Variants in ITGA9 observed in about 807,000 individuals in gnomAD.
ITGA9 encodes integrin alpha-9.
A neutral mutation model predicts 127.8 loss-of-function variants in ITGA9; 56 were observed. That is an observed-to-expected ratio of 0.44 (90% CI 0.35 to 0.55). ITGA9 has a LOEUF of 0.55. ITGA9 is among the 20% of genes least tolerant of loss of function. The pLI is 0.00. For missense variants in ITGA9, 1,196 were observed against 1,347.1 expected, an observed-to-expected ratio of 0.89 and a Z score of 1.76; for synonymous variants, 508 against 514.5, an observed-to-expected ratio of 0.99 and a Z score of 0.17.
In ITGA9 at chr3:37,759,912, A is replaced by C. The variant is rs187429274; in HGVS notation, c.2541+9343A>C. Among the ~76,000 whole-genome samples, 170 of 151,374 alleles carry C rather than the reference A, an allele frequency of 1.1e-3. 1 individual carries two copies. The highest frequency in any genetic ancestry group is 4.4e-3 in the Admixed American group (67 of 15,214). Reference sequence around the variant, plus strand: ...GAGCAAGACTCCATCTCAAAAAAAAAACAACAAATAAATAAAAGAAAGTTA... The same window carrying C: ...GAGCAAGACTCCATCTCAAAAAAAACACAACAAATAAATAAAAGAAAGTTA... On this transcript the variant is annotated intron_variant, in intron 23 of 27. Transcript: ENST00000264741.
intron 18 of ITGA9, among the ~76,000 whole-genome samples, chr3:37,703,869 T>G (rs1218076652): frequency 2.0e-5 from 3 of 152,148 alleles, no homozygotes; most frequent in Non-Finnish European, 4.4e-5. Context: ...AACCATGGCT[T>G]AGCAAGCTTA....
chr3:37,573,481 C>T (rs1049986136), intron 15 of ITGA9, among the ~76,000 whole-genome samples: 4 of 152,158 alleles, frequency 2.6e-5, no homozygotes, highest in Admixed American at 6.5e-5. Flanking sequence ...GGTGATTCAA[C>T]CACAGGAGCT....
At chr3:37,753,549 C>T (rs905505634) in intron 23 of ITGA9, 1 of 152,198 alleles carries the variant, frequency 6.6e-6, no homozygotes, top group Admixed American at 6.5e-5. Context: ...GTGCTGGGAG[C>T]TACACCCGGT....
At chr3:37,530,336 G>A (rs525731) in intron 13 of ITGA9, among the ~76,000 whole-genome samples, 88,986 of 152,028 alleles carry the variant, frequency 0.59, 26,488 homozygotes, top group East Asian at 0.82. Flanking sequence ...AAGCAGGGAG[G>A]GCTAGGAGAC....
intron 1 of ITGA9, among the ~76,000 whole-genome samples, chr3:37,464,850 C>T (rs895088894): frequency 6.6e-6 from 1 of 152,208 alleles, no homozygotes; most frequent in African/African-American, 2.4e-5. Context: ...TGAGTCCCCT[C>T]CCTCTGGAAA....
intron 23 of ITGA9, among the ~76,000 whole-genome samples, chr3:37,766,890 T>C (rs1196468942): frequency 6.6e-6 from 1 of 152,258 alleles, no homozygotes; most frequent in East Asian, 1.9e-4. Context: ...TTTGTGTCAC[T>C]GCCTCTCTCA....
chr3:37,728,436 G>T (rs767904411), intron 18 of ITGA9, among the ~76,000 whole-genome samples: 2 of 152,124 alleles, frequency 1.3e-5, no homozygotes, highest in Non-Finnish European at 2.9e-5. Flanking sequence ...TTACCTTGTG[G>T]GTATGTCTGT....
intron 19 of ITGA9, among the ~76,000 whole-genome samples, chr3:37,733,724 C>T (rs1696325497): frequency 6.6e-6 from 1 of 152,018 alleles, no homozygotes; most frequent in South Asian, 2.1e-4. Flanking sequence ...CCATTGAATG[C>T]ACCTCGATCT....
chr3:37,640,015 T>A (rs529996154), intron 16 of ITGA9, among the ~76,000 whole-genome samples: 1 of 152,158 alleles, frequency 6.6e-6, no homozygotes, highest in South Asian at 2.1e-4. Context: ...AAATTATAAC[T>A]CTTCTCAGGC....
intron 15 of ITGA9, among the ~76,000 whole-genome samples, chr3:37,622,494 T>C (rs1250813523): frequency 6.6e-6 from 1 of 152,190 alleles, no homozygotes; most frequent in African/African-American, 2.4e-5. Flanking sequence ...AATAAGGATT[T>C]ATTTCATAAT....
chr3:37,735,253 A>G (rs1214597131), intron 19 of ITGA9, among the ~76,000 whole-genome samples: 1 of 152,098 alleles, frequency 6.6e-6, no homozygotes, highest in African/African-American at 2.4e-5. Flanking sequence ...ATCTCCTCCC[A>G]GTGCTGACTC....
At chr3:37,617,314 G>A (rs1344979822) in intron 15 of ITGA9, among the ~76,000 whole-genome samples, 6 of 152,200 alleles carry the variant, frequency 3.9e-5, no homozygotes, top group African/African-American at 1.2e-4. Context: ...GGCTTGTAGG[G>A]TTTCTGCTGA....
chr3:37,702,192 C>T (rs1700954165), intron 18 of ITGA9, among the ~76,000 whole-genome samples: 1 of 152,150 alleles, frequency 6.6e-6, no homozygotes, highest in South Asian at 2.1e-4. Flanking sequence ...CCTACTATAG[C>T]CTCACAATGA....
intron 16 of ITGA9, among the ~76,000 whole-genome samples, chr3:37,646,722 T>C (rs1357389699): frequency 6.6e-6 from 1 of 152,206 alleles, no homozygotes; most frequent in Non-Finnish European, 1.5e-5. Context: ...TGGGTTCCGA[T>C]TTGTCTGATT....
chr3:37,783,634 G>A (rs1476479418), intron 25 of ITGA9, among the ~76,000 whole-genome samples: 1 of 152,060 alleles, frequency 6.6e-6, no homozygotes, highest in Non-Finnish European at 1.5e-5. Context: ...ATCGTGCCTG[G>A]CCCAAGATTA....
intron 18 of ITGA9, among the ~76,000 whole-genome samples, chr3:37,695,649 T>G (rs1471292476): frequency 6.6e-6 from 1 of 152,218 alleles, no homozygotes; most frequent in East Asian, 1.9e-4. Flanking sequence ...GCCCCCATGC[T>G]CTGCCTGTGA....
intron 23 of ITGA9, among the ~76,000 whole-genome samples, chr3:37,752,422 C>T (rs1575221789): frequency 6.6e-6 from 1 of 152,300 alleles, no homozygotes; most frequent in East Asian, 1.9e-4. Flanking sequence ...CATTCCCCAA[C>T]CTCCAAAGGC....
Position 37,561,071 on chromosome 3 carries a change from A to T in ITGA9, c.1689+18486A>T, listed in dbSNP as rs575719504. 1.2e-4 allele frequency among the ~76,000 whole-genome samples: 18 copies of T among 152,292 alleles called. No homozygotes were observed. In the South Asian group the frequency reaches 3.7e-3, roughly 32 times the overall value. ...ACCCTGAGGGCCTCGTTTTAATTTA[A>T]TCAACCCCTTTAAAGGCCCAGTCTC... is the stretch of plus-strand genomic sequence containing the variant. On this transcript the variant is annotated intron_variant, in intron 15 of 27. Coordinates refer to ENST00000264741, the MANE Select transcript of ITGA9 (RefSeq NM_002207.3).
chr3:37,577,858 A>G (rs1316523925), intron 15 of ITGA9, among the ~76,000 whole-genome samples: 1 of 152,220 alleles, frequency 6.6e-6, no homozygotes, highest in African/African-American at 2.4e-5. Flanking sequence ...TGGAGTAGAA[A>G]TAGAGCCCTT....
Sources: gnomAD v4.1 joint callset for allele counts (sites outside exome capture counted in the v4.1 genomes callset) on GRCh38, gnomAD v4.1.1 for gene constraint, MANE v1.5 for transcripts, NCBI Gene and HGNC (gene_info 2026-07-23, HGNC 2026-07-21) for gene names.